Variants in AFDN observed in about 807,000 individuals in gnomAD.
The protein encoded by AFDN is afadin, adherens junction formation factor, also known as afadin.
AFDN carries 68 observed loss-of-function variants against 216.6 expected under a neutral mutation model. The observed-to-expected ratio is 0.31, with a 90% CI of 0.26 to 0.38. The LOEUF is 0.38. Ranked by LOEUF, AFDN falls within the 10% of genes least tolerant of loss-of-function variation. The pLI, the probability that AFDN is intolerant of heterozygous loss-of-function variation, is 1.00. For synonymous variants in AFDN, 868 were observed against 853.7 expected (o/e 1.02, Z -0.29); for missense variants, 2,136 against 2,342.0 (o/e 0.91, Z 1.82).
Position 167,962,515 on chromosome 6 carries a change from A to G in AFDN, c.4916A>G (p.Glu1639Gly). 6.2e-7 allele frequency: 1 copy of G among 1,613,890 alleles called. No homozygotes were observed. The highest frequency in any genetic ancestry group is 1.1e-5 in the South Asian group (1 of 91,070). The change falls in exon 31 of 34, where the codon GAA becomes GGA. Residue 1639 changes from glutamate to glycine, a missense_variant. Glu to Gly is a moderately conservative substitution (Grantham distance 98). This residue lies in a region of AFDN where 981 missense variants were observed against 966.0 expected (regional missense o/e 1.02). Coordinates refer to ENST00000683244, the MANE Select transcript of AFDN (RefSeq NM_001386888.1). This position sits in a 1 kb window ranked among gnomAD's most constrained non-coding sequence, Gnocchi z 5.2. ...REAEDRARQE[E>G]ERRRQEEERT... ...GCGGAAGACCGAGCGAGGCAAGAGG[A>G]AGAGCGCCGGCGGCAGGAGGAGGAG...
intron 1 of AFDN, among the ~76,000 whole-genome samples, chr6:167,863,080 C>G (rs1194694027): frequency 6.6e-6 from 1 of 152,142 alleles, no homozygotes; most frequent in Non-Finnish European, 1.5e-5. Flanking sequence ...TGTTCTAATA[C>G]AGGTTAAGTG....
chr6:167,883,536 G>A (rs1000609476), intron 6 of AFDN, among the ~76,000 whole-genome samples: 1 of 152,176 alleles, frequency 6.6e-6, no homozygotes, highest in Admixed American at 6.5e-5. Context: ...CAGGTTCGAT[G>A]CCAGAGACCG....
At position 167,952,015 on chromosome 6, in the gene AFDN, C is replaced by T. The variant is rs762942648; in HGVS notation, c.4661C>T (p.Pro1554Leu). ...GAGATCCAGGAGCTCCAGAGCAAAC[C>T]GGACCGCAGCGCCGAGGAGAGCGAC... is the stretch of plus-strand genomic sequence containing the variant. ...SKEIQELQSK[P>L]DRSAEESDRL... The change falls in exon 30 of 34, where the codon CCG becomes CTG. Residue 1554 changes from proline to leucine, a missense_variant. Physicochemically the swap from Pro to Leu is moderately conservative, Grantham distance 98. Around this residue, in one of 8 missense-constraint regions of AFDN, gnomAD observed 981 missense variants for 966.0 expected, o/e 1.02. Coordinates refer to ENST00000683244, the MANE Select transcript of AFDN (RefSeq NM_001386888.1). The T allele has an allele frequency of 1.2e-5, 20 of 1,614,044 alleles. No individual in the cohort carries two copies. The highest frequency in any genetic ancestry group is 4.5e-5 in the East Asian group (2 of 44,890).
chr6:167,906,113 AC>A (rs2128427918), intron 12 of AFDN, among the ~76,000 whole-genome samples: 1 of 152,292 alleles, frequency 6.6e-6, no homozygotes, highest in Non-Finnish European at 1.5e-5. Context: ...AAGAAAAAAA[AC>A]CAAAAAACTC....
intron 7 of AFDN, among the ~76,000 whole-genome samples, chr6:167,890,605 T>C (rs1245773947): frequency 1.3e-5 from 2 of 151,730 alleles, no homozygotes; most frequent in Non-Finnish European, 2.9e-5. Flanking sequence ...TTCAAGCTTA[T>C]GATGTCTTTC....
At chr6:167,966,891 C>T (rs1797623005) in intron 32 of AFDN, among the ~76,000 whole-genome samples, 2 of 152,184 alleles carry the variant, frequency 1.3e-5, no homozygotes, top group South Asian at 4.1e-4. Context: ...TCCCCTTTTC[C>T]TCTAACTGGC....
chr6:167,968,211 G>C (rs746425197), intron 32 of AFDN, among the ~76,000 whole-genome samples: 2 of 152,220 alleles, frequency 1.3e-5, no homozygotes, highest in Non-Finnish European at 2.9e-5. Flanking sequence ...TCTCCATGCG[G>C]TAATTTATCT....
intron 7 of AFDN, 59 bp from the exon 8 acceptor site, chr6:167,890,803 C>A: frequency 6.5e-7 from 1 of 1,531,582 alleles, no homozygotes; most frequent in Non-Finnish European, 8.8e-7. Flanking sequence ...GACTGCCAGT[C>A]AGCGGGCCAT....
intron 12 of AFDN, among the ~76,000 whole-genome samples, chr6:167,905,933 G>A (rs1284067833): frequency 6.6e-6 from 1 of 152,140 alleles, no homozygotes; most frequent in Non-Finnish European, 1.5e-5. Flanking sequence ...GTGAAACCCT[G>A]TCTCTGCTAA....
intron 1 of AFDN, among the ~76,000 whole-genome samples, chr6:167,846,477 GT>G (rs1360907136): frequency 5.3e-5 from 8 of 151,978 alleles, no homozygotes; most frequent in African/African-American, 1.9e-4. Context: ...CCGAAAACCA[GT>G]GCGTGAACTT....
At chr6:167,963,867 G>A in intron 31 of AFDN, 1 of 1,064,054 alleles carries the variant, frequency 9.4e-7, no homozygotes, top group Non-Finnish European at 1.1e-6. Context: ...TTTTGCTGTT[G>A]CTTTGCTGTT....
intron 30 of AFDN, among the ~76,000 whole-genome samples, chr6:167,956,480 C>T (rs1299182354): frequency 6.6e-6 from 1 of 152,168 alleles, no homozygotes; most frequent in Non-Finnish European, 1.5e-5. Context: ...GTGCTCACTT[C>T]CGACCTGAGA....
Position 167,827,139 on chromosome 6 carries a change from G to A in AFDN, c.7G>A (p.Ala3Thr). ...AGGAGGCGCGGCCAGGACCATGTCG[G>A]CGGGCGGCCGTGACGAGGAGCGGCG... MSAGGRDEERRKL... is the reference protein window; with the variant it reads MSTGGRDEERRKL... The change falls in exon 1 of 34, where the codon GCG becomes ACG. Residue 3 changes from alanine to threonine, a missense_variant. By Grantham distance (58) the Ala-to-Thr change is moderately conservative. Around this residue, in one of 8 missense-constraint regions of AFDN, gnomAD observed 81 missense variants for 51.2 expected, o/e 1.58. Coordinates refer to ENST00000683244, the MANE Select transcript of AFDN (RefSeq NM_001386888.1). The A allele has an allele frequency of 7.8e-7, 1 of 1,286,258 alleles. No homozygotes were observed. The highest frequency in any genetic ancestry group is 1.0e-6 in the Non-Finnish European group (1 of 987,898). 79.7% of individuals were successfully genotyped at this position (1,286,258 alleles called of 1,614,324 possible).
At chr6:167,893,688 C>T in intron 8 of AFDN, 174 bp from the exon 9 acceptor site, 1 of 610,536 alleles carries the variant, frequency 1.6e-6, no homozygotes, top group Non-Finnish European at 3.0e-6. Flanking sequence ...CTAGTATAGT[C>T]TTGTCCTCAC....
At chr6:167,901,303 T>A (rs991154021) in intron 11 of AFDN, among the ~76,000 whole-genome samples, 1 of 146,124 alleles carries the variant, frequency 6.8e-6, no homozygotes, top group East Asian at 1.9e-4. Flanking sequence ...TTTTTAGGGC[T>A]TTTTTTTGTG....
At position 167,929,676 on chromosome 6, in the gene AFDN, G is replaced by A. The variant is rs528363880; in HGVS notation, c.3099+4585G>A. Among the ~76,000 whole-genome samples the A allele has an allele frequency of 4.6e-5, 7 of 152,328 alleles. No individual in the cohort carries two copies. In the South Asian group the frequency reaches 8.3e-4, roughly 18 times the overall value. On this transcript the variant is annotated intron_variant, in intron 23 of 33. Coordinates refer to ENST00000683244, the MANE Select transcript of AFDN (RefSeq NM_001386888.1). ...TCCCATGCATGGCTTTGCTGCCTCC[G>A]TGAGGAGTCAGACGGGAAGAGGTAG... is the stretch of plus-strand genomic sequence containing the variant.
intron 23 of AFDN, among the ~76,000 whole-genome samples, chr6:167,940,286 T>C (rs1794535393): frequency 9.3e-6 from 1 of 107,856 alleles, no homozygotes; most frequent in Admixed American, 9.8e-5. Flanking sequence ...GGGGTGAGGG[T>C]GGAAGCCATC....
intron 1 of AFDN, chr6:167,827,823 C>T (rs985984706): frequency 6.6e-6 from 1 of 152,184 alleles, no homozygotes; most frequent in African/African-American, 2.4e-5. Flanking sequence ...CCTTCTCCAC[C>T]TTCGGGGCCG....
Position 167,893,861 on chromosome 6 carries a change from G to A in AFDN, c.1178-1G>A. On this transcript the variant is annotated splice_acceptor_variant, in intron 8 of 33. Coordinates refer to ENST00000683244, the MANE Select transcript of AFDN (RefSeq NM_001386888.1). LOFTEE classifies it high-confidence loss of function. ...GGTCCTGGCATGTGTCTTAACCCCAGGGAGAAGGAATCACTTTGCCTACTA... is the reference window on the plus strand; with the variant it reads ...GGTCCTGGCATGTGTCTTAACCCCAAGGAGAAGGAATCACTTTGCCTACTA... 1 of 1,586,098 alleles carries A rather than the reference G, an allele frequency of 6.3e-7. No homozygotes were observed. The highest frequency in any genetic ancestry group is 8.6e-7 in the Non-Finnish European group (1 of 1,164,404).
Sources: gnomAD v4.1 joint callset for allele counts (sites outside exome capture counted in the v4.1 genomes callset) on GRCh38, gnomAD v4.1.1 for gene constraint, gnomAD v4.1.1 regional missense constraint, Gnocchi (gnomAD v3.1) non-coding constraint, MANE v1.5 for transcripts, NCBI Gene and HGNC (gene_info 2026-07-23, HGNC 2026-07-21) for gene names.